Variants in HTR2C observed in about 807,000 individuals in gnomAD.
HTR2C encodes the protein 5-hydroxytryptamine (serotonin) receptor 2C, G protein-coupled.
Under a neutral mutation model 21.0 loss-of-function variants are expected in HTR2C, and 5 were observed. The observed-to-expected ratio is 0.24, with a 90% CI of 0.12 to 0.50. The LOEUF (loss-of-function observed/expected upper bound fraction) is 0.50, where lower values mean the gene tolerates loss of function less well. Ranked by LOEUF, HTR2C falls within the 20% of genes least tolerant of loss-of-function variation. The pLI is 0.98. For synonymous variants in HTR2C, 150 were observed against 145.3 expected, an observed-to-expected ratio of 1.03 and a Z score of -0.23; for missense variants, 271 against 371.2, an observed-to-expected ratio of 0.73 and a Z score of 2.22.
intron 5 of HTR2C, among the ~76,000 whole-genome samples, chrX:114,883,141 T>C: frequency 9.1e-6 from 1 of 110,341 alleles, no homozygotes; most frequent in East Asian, 2.8e-4. Flanking sequence ...TTATCTCATT[T>C]ATTGCCATAT....
At chrX:114,729,117 G>A (rs1346879532) in intron 3 of HTR2C, among the ~76,000 whole-genome samples, 1 of 112,059 alleles carries the variant, frequency 8.9e-6, no homozygotes, top group Non-Finnish European at 1.9e-5. Context: ...TCTGGAAAAC[G>A]TGCTGGATTT....
chrX:114,676,666 G>A lies in HTR2C; in HGVS notation c.-79-50192G>A, dbSNP rs781986169. Reference sequence around the variant, plus strand: ...CTCATGAGAGTGTTTAAGTTGGAATGTGGGATATCATGTGTCAAAAAAAGG... The same window carrying A: ...CTCATGAGAGTGTTTAAGTTGGAATATGGGATATCATGTGTCAAAAAAAGG... On this transcript the variant is annotated intron_variant, in intron 2 of 5. Coordinates refer to ENST00000276198, the MANE Select transcript of HTR2C (RefSeq NM_000868.4). Among the ~76,000 whole-genome samples, 6 of 112,490 alleles carry A rather than the reference G, an allele frequency of 5.3e-5. No homozygotes were observed. The South Asian group carries it at 2.2e-3, about 41-fold the overall frequency.
At chrX:114,618,235 A>G (rs1406922487) in intron 2 of HTR2C, among the ~76,000 whole-genome samples, 1 of 112,173 alleles carries the variant, frequency 8.9e-6, no homozygotes, top group Non-Finnish European at 1.9e-5. Context: ...CTAACAACAT[A>G]GTTTAGCATG....
intron 5 of HTR2C, among the ~76,000 whole-genome samples, chrX:114,867,784 C>A: frequency 9.0e-6 from 1 of 111,445 alleles, no homozygotes; most frequent in South Asian, 3.7e-4. Context: ...ATTGTACATC[C>A]TTGGTATCTT....
At chrX:114,856,614 C>T (rs1192507445) in intron 5 of HTR2C, among the ~76,000 whole-genome samples, 1 of 110,889 alleles carries the variant, frequency 9.0e-6, no homozygotes, top group Non-Finnish European at 1.9e-5. Context: ...GTACTGGTAT[C>T]AAAGCAACCA....
At chrX:114,723,037 G>C (rs1432434426) in intron 2 of HTR2C, among the ~76,000 whole-genome samples, 1 of 111,639 alleles carries the variant, frequency 9.0e-6, no homozygotes, top group Non-Finnish European at 1.9e-5. Context: ...CATCAAATGA[G>C]TTAGGGAGGA....
intron 5 of HTR2C, among the ~76,000 whole-genome samples, chrX:114,873,374 G>A (rs1272247166): frequency 9.0e-6 from 1 of 110,997 alleles, no homozygotes; most frequent in Non-Finnish European, 1.9e-5. Context: ...TTCATCTTCT[G>A]ATCAGCAGTT....
At chrX:114,693,636 A>G (rs1932175718) in intron 2 of HTR2C, among the ~76,000 whole-genome samples, 1 of 111,051 alleles carries the variant, frequency 9.0e-6, no homozygotes, top group African/African-American at 3.3e-5. Context: ...CAGTAGCCAC[A>G]ATTTTCCAAT....
In HTR2C at chrX:114,726,904, T is replaced by G; in HGVS notation, c.-33T>G. 2 of 1,056,455 alleles carry G rather than the reference T, an allele frequency of 1.9e-6. No homozygotes were observed. Among genetic ancestry groups the G allele is most frequent in the Non-Finnish European group, 2.6e-6 (2 of 783,989 alleles). 87.1% of individuals were successfully genotyped at this position (1,056,455 alleles called of 1,213,427 possible). The stretch of plus-strand genomic sequence containing the variant: ...AGCCTGTTAATTTCGTCTTCTCAAT[T>G]TTAAACTTTGGTTGCTTAAGACTGA... On this transcript the variant is annotated 5_prime_UTR_variant, in exon 3 of 6. The change creates a new upstream start codon in the 5' untranslated region. Transcript: ENST00000276198.
At chrX:114,734,564 TAAAAAAAAAAAAAA>T (rs61672860) in intron 4 of HTR2C, among the ~76,000 whole-genome samples, 1 of 34,300 alleles carries the variant, frequency 2.9e-5, no homozygotes, top group African/African-American at 1.3e-4. Context: ...GCCTTACATG[TAAAAAAAAAAAAAA>T]AAAAAAAAAA....
intron 2 of HTR2C, among the ~76,000 whole-genome samples, chrX:114,651,198 C>A (rs1033896957): frequency 9.0e-6 from 1 of 111,620 alleles, no homozygotes; most frequent in Non-Finnish European, 1.9e-5. Flanking sequence ...TTCCATGACA[C>A]TACTTTTGGT....
At chrX:114,763,252 G>C (rs781848356) in intron 4 of HTR2C, 2 of 125,468 alleles carry the variant, frequency 1.6e-5, no homozygotes, top group Non-Finnish European at 3.7e-5. Context: ...TGTGGTCTCC[G>C]CTGACGCTTT....
At chrX:114,779,948 G>T (rs782179413) in intron 4 of HTR2C, among the ~76,000 whole-genome samples, 17 of 110,722 alleles carry the variant, frequency 1.5e-4, no homozygotes, top group Non-Finnish European at 3.2e-4. Flanking sequence ...TGTATATACT[G>T]TCAGCCTTTT....
chrX:114,874,610 G>C (rs1279649797), intron 5 of HTR2C, among the ~76,000 whole-genome samples: 2 of 110,038 alleles, frequency 1.8e-5, no homozygotes, highest in Admixed American at 9.7e-5. Context: ...CTTGTTTCAA[G>C]CAAATCCCCT....
At chrX:114,686,511 G>C (rs1243906855) in intron 2 of HTR2C, among the ~76,000 whole-genome samples, 5 of 110,810 alleles carry the variant, frequency 4.5e-5, no homozygotes, top group Non-Finnish European at 7.6e-5. Context: ...GGTCTATCAA[G>C]GTGGGCAAGG....
At chrX:114,733,598 G>GA (rs370070010) in intron 4 of HTR2C, among the ~76,000 whole-genome samples, 5,580 of 96,656 alleles carry the variant, frequency 0.058, 444 homozygotes, top group African/African-American at 0.2. Context: ...GAGGTGACTT[G>GA]AAAAAAAAAA....
intron 2 of HTR2C, among the ~76,000 whole-genome samples, chrX:114,700,810 G>C (rs1174423388): frequency 8.9e-6 from 1 of 112,531 alleles, no homozygotes; most frequent in Non-Finnish European, 1.9e-5. Context: ...CCTAGTCAAA[G>C]AAAGGGGTGA....
chrX:114,726,940 G>T lies in HTR2C; in HGVS notation c.4G>T (p.Val2Leu), dbSNP rs200113008. The change falls in exon 3 of 6, where the codon GTG (valine) becomes TTG (leucine). Residue 2 changes from valine to leucine, a missense_variant. Transcript: ENST00000276198. M[V>L]NLRNAVHSFL... ...GTTGCTTAAGACTGAAGCAATCATG[G>T]TGAACCTGAGGAATGCGGTGCATTC... 1 of 1,131,753 alleles carries T rather than the reference G, an allele frequency of 8.8e-7. No individual in the cohort carries two copies. The highest frequency in any genetic ancestry group is 3.0e-5 in the Admixed American group (1 of 33,497). 93.3% of individuals were successfully genotyped at this position (1,131,753 alleles called of 1,213,427 possible). A position where few individuals can be genotyped will look rare whatever the true frequency, so the allele number is the denominator to read the frequency against.
At chrX:114,619,722 A>G (rs1556401259) in intron 2 of HTR2C, among the ~76,000 whole-genome samples, 1 of 111,145 alleles carries the variant, frequency 9.0e-6, no homozygotes, top group Non-Finnish European at 1.9e-5. Flanking sequence ...CCCCTAACAC[A>G]AGGTGAGAAT....
Sources: gnomAD v4.1 joint callset for allele counts (sites outside exome capture counted in the v4.1 genomes callset) on GRCh38, gnomAD v4.1.1 for gene constraint, MANE v1.5 for transcripts, NCBI Gene and HGNC (gene_info 2026-07-23, HGNC 2026-07-21) for gene names.